The following TTC29 variants were observed in gnomAD, a reference collection of about 807,000 sequenced individuals.
The protein encoded by TTC29 is tetratricopeptide repeat protein 29.
Under a neutral mutation model 58.1 loss-of-function variants are expected in TTC29, and 49 were observed. That is an observed-to-expected ratio of 0.84 (90% CI 0.67 to 1.07). The LOEUF (loss-of-function observed/expected upper bound fraction) is 1.07. Ranked by LOEUF, TTC29 falls within the 50% of genes least tolerant of loss-of-function variation. The pLI, the probability that TTC29 is intolerant of heterozygous loss-of-function variation, is 0.00. For synonymous variants in TTC29, 209 were observed against 196.8 expected, an observed-to-expected ratio of 1.06 and a Z score of -0.52; for missense variants, 582 against 555.6, an observed-to-expected ratio of 1.05 and a Z score of -0.48.
At chr4:146,795,234 A>T (rs1188313935) in intron 11 of TTC29, among the ~76,000 whole-genome samples, 2 of 152,132 alleles carry the variant, frequency 1.3e-5, no homozygotes, top group African/African-American at 4.8e-5. Context: ...TAAGAAAGTA[A>T]ATGTGTGCAG....
intron 11 of TTC29, among the ~76,000 whole-genome samples, chr4:146,709,652 C>CCTT (rs1446921198): frequency 1.3e-5 from 2 of 152,004 alleles, no homozygotes; most frequent in African/African-American, 4.8e-5. Flanking sequence ...TTAAGTAGAC[C>CCTT]CTTACACTTC....
intron 5 of TTC29, among the ~76,000 whole-genome samples, chr4:146,906,712 C>G (rs1394012118): frequency 6.6e-6 from 1 of 152,198 alleles, no homozygotes; most frequent in Non-Finnish European, 1.5e-5. Flanking sequence ...TGTCCTTCAG[C>G]TGAAGTTTTT....
intron 2 of TTC29, among the ~76,000 whole-genome samples, chr4:146,944,602 C>G (rs1180212559): frequency 3.3e-5 from 5 of 152,116 alleles, no homozygotes; most frequent in Non-Finnish European, 7.4e-5. Context: ...CTGCAGGGTT[C>G]AGTCACTTTG....
intron 8 of TTC29, among the ~76,000 whole-genome samples, chr4:146,844,553 T>C (rs1729046211): frequency 6.6e-6 from 1 of 152,158 alleles, no homozygotes; most frequent in Non-Finnish European, 1.5e-5. Context: ...TTTATTTTTA[T>C]TTTTTATTTT....
chr4:146,905,393 C>T (rs1297254825), intron 5 of TTC29, among the ~76,000 whole-genome samples: 1 of 149,336 alleles, frequency 6.7e-6, no homozygotes, highest in Non-Finnish European at 1.5e-5. Flanking sequence ...AGTAATTAAA[C>T]CTTAATGTAA....
intron 6 of TTC29, among the ~76,000 whole-genome samples, chr4:146,899,247 C>T (rs955399742): frequency 6.6e-6 from 1 of 152,158 alleles, no homozygotes; most frequent in Non-Finnish European, 1.5e-5. Context: ...TCAGATCATA[C>T]CAAAGGAGGA....
intron 11 of TTC29, among the ~76,000 whole-genome samples, chr4:146,741,157 G>C (rs1201262453): frequency 6.6e-6 from 1 of 152,164 alleles, no homozygotes; most frequent in African/African-American, 2.4e-5. Context: ...TTGAGAAGAA[G>C]GCCATTTTAG....
chr4:146,750,722 G>C (rs1745917128), intron 11 of TTC29, among the ~76,000 whole-genome samples: 1 of 151,904 alleles, frequency 6.6e-6, no homozygotes, highest in Non-Finnish European at 1.5e-5. Context: ...AACTATAGCA[G>C]ATATACAAAC....
intron 9 of TTC29, among the ~76,000 whole-genome samples, chr4:146,825,564 A>C (rs1011065600): frequency 6.6e-6 from 1 of 152,196 alleles, no homozygotes; most frequent in Admixed American, 6.5e-5. Context: ...GGCACTGAGA[A>C]GAATGTATGT....
chr4:146,917,170 AATTT>A (rs1437818358), intron 4 of TTC29, among the ~76,000 whole-genome samples: 1 of 150,900 alleles, frequency 6.6e-6, no homozygotes, highest in Non-Finnish European at 1.5e-5. Context: ...CAAAAAGTAG[AATTT>A]ATTATACTTG....
At chr4:146,740,723 A>G (rs867589897) in intron 11 of TTC29, among the ~76,000 whole-genome samples, 2 of 152,212 alleles carry the variant, frequency 1.3e-5, no homozygotes, top group South Asian at 4.1e-4. Context: ...TAATTTTTTT[A>G]AAATTTTTTA....
chr4:146,710,083 T>C (rs1579495701), intron 11 of TTC29, among the ~76,000 whole-genome samples: 1 of 152,262 alleles, frequency 6.6e-6, no homozygotes, highest in East Asian at 1.9e-4. Flanking sequence ...AGCAATGAAA[T>C]GAGCAAAGTA....
At chr4:146,781,111 A>G (rs1748562558) in intron 11 of TTC29, among the ~76,000 whole-genome samples, 1 of 152,036 alleles carries the variant, frequency 6.6e-6, no homozygotes, top group African/African-American at 2.4e-5. Flanking sequence ...ATGCTTTGTT[A>G]TAAAAATACA....
intron 8 of TTC29, among the ~76,000 whole-genome samples, chr4:146,858,171 C>T (rs983911775): frequency 7.2e-5 from 11 of 152,258 alleles, no homozygotes; most frequent in Middle Eastern, 3.4e-3. Flanking sequence ...TTCACAAAGA[C>T]ACAGTGAAGC....
intron 6 of TTC29, among the ~76,000 whole-genome samples, chr4:146,885,560 T>A (rs533313556): frequency 6.6e-6 from 1 of 152,240 alleles, no homozygotes; most frequent in East Asian, 1.9e-4. Flanking sequence ...TGGGGGGATA[T>A]ACACTTTAAT....
intron 11 of TTC29, among the ~76,000 whole-genome samples, chr4:146,778,999 A>AAAAAG (rs1422705811): frequency 1.7e-4 from 13 of 78,238 alleles, no homozygotes; most frequent in East Asian, 8.8e-4. Context: ...AAAAAAAAAA[A>AAAAAG]AAAAGAAAAG....
chr4:146,831,939 T>C (rs1728191291), intron 9 of TTC29: 1 of 204,804 alleles, frequency 4.9e-6, no homozygotes, highest in African/African-American at 2.3e-5. Context: ...TTAATTTATT[T>C]ATTTTTGCGA....
chr4:146,727,148 T>C (rs912374294), intron 11 of TTC29, among the ~76,000 whole-genome samples: 23 of 151,924 alleles, frequency 1.5e-4, no homozygotes, highest in Admixed American at 6.6e-5. Flanking sequence ...TGCACACATT[T>C]CTGTACTTTT....
intron 6 of TTC29, among the ~76,000 whole-genome samples, chr4:146,883,106 G>T (rs964921000): frequency 6.6e-6 from 1 of 152,060 alleles, no homozygotes; most frequent in African/African-American, 2.4e-5. Flanking sequence ...AATGTCCAAA[G>T]TCTACTGTGA....
Sources: gnomAD v4.1 joint callset for allele counts (sites outside exome capture counted in the v4.1 genomes callset) on GRCh38, gnomAD v4.1.1 for gene constraint, MANE v1.5 for transcripts, NCBI Gene and HGNC (gene_info 2026-07-23, HGNC 2026-07-21) for gene names.